ASXL2: variants seen among roughly 807,000 people sequenced by gnomAD.
The protein encoded by ASXL2 is ASXL transcriptional regulator 2.
ASXL2 carries 23 observed loss-of-function variants against 122.0 expected under a neutral mutation model. That is an observed-to-expected ratio of 0.19 (90% CI 0.14 to 0.27). The LOEUF (loss-of-function observed/expected upper bound fraction) is 0.27, where lower values mean the gene tolerates loss of function less well. Ranked by LOEUF, ASXL2 falls within the 10% of genes least tolerant of loss-of-function variation. The pLI, the probability that ASXL2 is intolerant of heterozygous loss-of-function variation, is 1.00. For synonymous variants in ASXL2, 650 were observed against 637.0 expected (o/e 1.02, Z -0.31); for missense variants, 1,518 against 1,713.8 (o/e 0.89, Z 2.02).
chr2:25,796,248 T>C (rs2088909750), intron 5 of ASXL2, among the ~76,000 whole-genome samples: 1 of 152,216 alleles, frequency 6.6e-6, no homozygotes, highest in Non-Finnish European at 1.5e-5. Flanking sequence ...ATGAGTCTAG[T>C]ATTCCAACAT....
At chr2:25,765,734 A>G (rs547894893) in intron 8 of ASXL2, among the ~76,000 whole-genome samples, 2 of 152,302 alleles carry the variant, frequency 1.3e-5, no homozygotes, top group East Asian at 3.9e-4. Context: ...TTTGCAATTT[A>G]CTAAAATTTT....
chr2:25,870,328 T>C (rs1266980457), intron 1 of ASXL2, among the ~76,000 whole-genome samples: 1 of 152,070 alleles, frequency 6.6e-6, no homozygotes, highest in Admixed American at 6.6e-5. Flanking sequence ...ATTGAGACCA[T>C]CCTGGCCAAC....
intron 5 of ASXL2, among the ~76,000 whole-genome samples, chr2:25,791,614 T>C (rs191305187): frequency 3.3e-4 from 51 of 152,340 alleles, no homozygotes; most frequent in Admixed American, 1.3e-4. Flanking sequence ...ACATTTATCT[T>C]CTTACGGCTT....
chr2:25,747,055 A>G (rs888653842), intron 12 of ASXL2, among the ~76,000 whole-genome samples: 1 of 152,200 alleles, frequency 6.6e-6, no homozygotes, highest in Non-Finnish European at 1.5e-5. Flanking sequence ...TAGATTATTT[A>G]TAACACCTAA....
intron 1 of ASXL2, chr2:25,856,877 G>A: frequency 4.1e-6 from 3 of 728,994 alleles, no homozygotes; most frequent in Admixed American, 4.2e-5. Context: ...AGTCATTCTG[G>A]TCAAAGGGGT....
intron 12 of ASXL2, among the ~76,000 whole-genome samples, chr2:25,749,200 T>C (rs2087993816): frequency 6.6e-6 from 1 of 152,210 alleles, no homozygotes. Flanking sequence ...CATTACAGAC[T>C]ACCTGTAGGG....
chr2:25,741,657 C>A lies in ASXL2; in HGVS notation c.*372G>T. 2 of 256,428 alleles carry A rather than the reference C, an allele frequency of 7.8e-6. No homozygotes were observed. Among genetic ancestry groups the A allele is most frequent in the Non-Finnish European group, 1.5e-5 (2 of 131,362 alleles). 15.9% of individuals were successfully genotyped at this position (256,428 alleles called of 1,614,324 possible). A position where few individuals can be genotyped will look rare whatever the true frequency, so the allele number is the denominator to read the frequency against. On this transcript the variant is annotated 3_prime_UTR_variant, in exon 13 of 13. Transcript: ENST00000435504. ...GAAATGTCAGAAGGGAGACAGCTTC[C>A]TTTTACCATGCCGGCATTAAACTTT...
At chr2:25,774,017 G>A (rs2088505092) in intron 5 of ASXL2, among the ~76,000 whole-genome samples, 1 of 151,884 alleles carries the variant, frequency 6.6e-6, no homozygotes, top group Admixed American at 6.6e-5. Flanking sequence ...GCAACACAGT[G>A]AGACTCCATC....
At chr2:25,799,672 T>C in intron 4 of ASXL2, 137 bp from the exon 5 acceptor site, 1 of 1,033,064 alleles carries the variant, frequency 9.7e-7, no homozygotes, top group South Asian at 1.7e-5. Flanking sequence ...ACCAGCAATA[T>C]TTTCTGAATT....
intron 3 of ASXL2, among the ~76,000 whole-genome samples, chr2:25,820,793 T>G (rs2089298773): frequency 6.6e-6 from 1 of 151,906 alleles, no homozygotes; most frequent in Admixed American, 6.6e-5. Flanking sequence ...GAGGCTGAGG[T>G]GGGAGGATCG....
chr2:25,828,189 A>C (rs995131961), intron 3 of ASXL2, among the ~76,000 whole-genome samples: 2 of 152,198 alleles, frequency 1.3e-5, no homozygotes, highest in Non-Finnish European at 2.9e-5. Flanking sequence ...CTAAAGAGAA[A>C]TAAGAAACAG....
intron 3 of ASXL2, among the ~76,000 whole-genome samples, chr2:25,831,402 T>A (rs192737137): frequency 5.9e-5 from 9 of 152,256 alleles, no homozygotes; most frequent in African/African-American, 9.6e-5. Flanking sequence ...GGCACAGGCC[T>A]GTAATCCCAG....
intron 3 of ASXL2, among the ~76,000 whole-genome samples, chr2:25,809,485 C>T (rs147194986): frequency 2.0e-5 from 3 of 152,166 alleles, no homozygotes; most frequent in Admixed American, 2.0e-4. Context: ...CTGTTTGGCT[C>T]TCAGTAAGGC....
chr2:25,781,283 C>G (rs2088632468), intron 5 of ASXL2, among the ~76,000 whole-genome samples: 1 of 151,888 alleles, frequency 6.6e-6, no homozygotes, highest in Non-Finnish European at 1.5e-5. Flanking sequence ...CCTGTAATCC[C>G]AACACTTTGG....
At chr2:25,790,798 GTC>G in intron 5 of ASXL2, among the ~76,000 whole-genome samples, 2 of 118,204 alleles carry the variant, frequency 1.7e-5, no homozygotes, top group African/African-American at 3.0e-5. Context: ...ACAGTTTTTT[GTC>G]TTTTTTTTTT....
intron 3 of ASXL2, among the ~76,000 whole-genome samples, chr2:25,807,893 A>C (rs1182904786): frequency 5.3e-5 from 8 of 151,934 alleles, no homozygotes. Context: ...CCTGTGAAAC[A>C]ACTTTTCTCA....
intron 5 of ASXL2, among the ~76,000 whole-genome samples, chr2:25,784,835 G>A (rs35431679): frequency 0.062 from 9,493 of 152,198 alleles, 354 homozygotes; most frequent in African/African-American, 0.1. Flanking sequence ...CAACAGCTCT[G>A]TTTCCCAATA....
intron 5 of ASXL2, among the ~76,000 whole-genome samples, chr2:25,777,588 TAA>T (rs11413577): frequency 6.9e-6 from 1 of 144,552 alleles, no homozygotes; most frequent in African/African-American, 2.5e-5. Context: ...TATCGTTTAA[TAA>T]AAAAAAAAAG....
chr2:25,863,827 G>A (rs2089866172), intron 1 of ASXL2, among the ~76,000 whole-genome samples: 1 of 151,722 alleles, frequency 6.6e-6, no homozygotes, highest in Non-Finnish European at 1.5e-5. Flanking sequence ...CCAACATGGT[G>A]AAACTCCATC....
Sources: gnomAD v4.1 joint callset for allele counts (sites outside exome capture counted in the v4.1 genomes callset) on GRCh38, gnomAD v4.1.1 for gene constraint, MANE v1.5 for transcripts, NCBI Gene and HGNC (gene_info 2026-07-23, HGNC 2026-07-21) for gene names.